Variants in ICAM2 observed in about 807,000 individuals in gnomAD.
ICAM2 encodes ICAM-2.
Under a neutral mutation model 19.1 loss-of-function variants are expected in ICAM2, and 14 were observed. The observed-to-expected ratio is 0.73, with a 90% CI of 0.48 to 1.15. The LOEUF is 1.15. Ranked by LOEUF, ICAM2 falls within the 50% of genes most tolerant of loss-of-function variation. The probability of loss-of-function intolerance (pLI) is 0.00; values close to 1 mark genes in which losing one functional copy is unlikely to be tolerated. For missense variants in ICAM2, 311 were observed against 355.4 expected (o/e 0.88, Z 1.00); for synonymous variants, 153 against 152.7 (o/e 1.00, Z -0.01).
In ICAM2 at chr17:64,002,764, G is replaced by T. The variant is rs758102062; in HGVS notation, c.811C>A (p.Gln271Lys). Residue 271 changes from glutamine (Q) to lysine (K), a missense_variant, in exon 5 of 5, where the codon CAG becomes AAG. By Grantham distance (53) the Gln-to-Lys change is moderately conservative (BLOSUM62 1). Coordinates refer to ENST00000579788, the MANE Select transcript of ICAM2 (RefSeq NM_001099789.2). Reference protein sequence around the residue: ...GVRAAWRRLPQAFRP With the variant: ...GVRAAWRRLPKAFRP ...CATGGTTGCTATGGCCGGAAGGCCT[G>T]GGGCAGCCTCCTCCAAGCCGCTCGC... 1 of 1,612,046 alleles carries T rather than the reference G, an allele frequency of 6.2e-7. No individual in the cohort carries two copies. Among genetic ancestry groups the T allele is most frequent in the Non-Finnish European group, 8.5e-7 (1 of 1,179,860 alleles).
chr17:64,020,295 G>A (rs777197639), intron 1 of ICAM2: 8 of 152,232 alleles, frequency 5.3e-5, no homozygotes, highest in Admixed American at 2.6e-4. Flanking sequence ...GGAAAGGAGC[G>A]CCAGGGCAAG....
rs1381170042 is a variant in ICAM2 at position 64,011,410 on chromosome 17, C to T, written c.-44-4675G>A. ...CTGGGAGGCAGAGGTTGCGGTGAGC[C>T]GAGATCGCGCCACTGCACTTCAGCC... is the stretch of plus-strand genomic sequence containing the variant. On this transcript the variant is annotated intron_variant, in intron 1 of 4. Coordinates refer to ENST00000579788, the MANE Select transcript of ICAM2 (RefSeq NM_001099789.2). 5.3e-5 allele frequency among the ~76,000 whole-genome samples: 8 copies of T among 151,746 alleles called. No individual in the cohort carries two copies. The South Asian group carries it at 6.3e-4, about 12-fold the overall frequency.
chr17:64,016,457 G>A (rs1317132383), intron 1 of ICAM2, among the ~76,000 whole-genome samples: 3 of 152,054 alleles, frequency 2.0e-5, no homozygotes, highest in South Asian at 4.1e-4. Context: ...TTTGCTTTTC[G>A]TCTCAGGGTC....
intron 1 of ICAM2, among the ~76,000 whole-genome samples, chr17:64,009,649 G>A (rs933500035): frequency 1.3e-5 from 2 of 152,034 alleles, no homozygotes; most frequent in African/African-American, 4.8e-5. Context: ...AAATGTCCAC[G>A]ACAGGAAAAG....
chr17:64,019,499 G>A (rs894584679), intron 1 of ICAM2, among the ~76,000 whole-genome samples: 4 of 152,112 alleles, frequency 2.6e-5, no homozygotes, highest in African/African-American at 9.7e-5. Context: ...CTACCTGTGG[G>A]TGGGAGGCAA....
intron 1 of ICAM2, among the ~76,000 whole-genome samples, chr17:64,014,404 G>GA (rs1567849401): frequency 8.6e-5 from 4 of 46,560 alleles, no homozygotes; most frequent in African/African-American, 2.5e-4. Flanking sequence ...AGGAAGGAAG[G>GA]AAGAGAAAGA....
In ICAM2 at chr17:64,002,941, G is replaced by T; in HGVS notation, c.650-16C>A. The T allele has an allele frequency of 6.2e-7, 1 of 1,611,294 alleles. No individual in the cohort carries two copies. Among genetic ancestry groups the T allele is most frequent in the Admixed American group, 1.7e-5 (1 of 59,860 alleles). On this transcript the variant is annotated splice_polypyrimidine_tract_variant and intron_variant, in intron 4 of 4. Transcript: ENST00000579788. ...GACACAGGCTCTGGGGAGGGAGGGG[G>T]CAAGGGTCTTAGACGTCCTGTGATC...
intron 1 of ICAM2, among the ~76,000 whole-genome samples, chr17:64,014,409 G>A (rs1598025307): frequency 1.4e-4 from 1 of 6,990 alleles, no homozygotes; most frequent in Non-Finnish European, 5.2e-4. Flanking sequence ...GGAAGGAAGA[G>A]AAAGAGAAAG....
intron 1 of ICAM2, among the ~76,000 whole-genome samples, chr17:64,020,132 C>T (rs917556): frequency 0.91 from 137,663 of 151,950 alleles, 63,948 homozygotes; most frequent in East Asian, 1. Flanking sequence ...CCACGCCTGC[C>T]GGGGAGAACA....
Position 64,003,796 on chromosome 17 carries a change from G to A in ICAM2, c.497C>T (p.Pro166Leu), listed in dbSNP as rs755357138. The A allele has an allele frequency of 1.2e-6, 2 of 1,614,256 alleles. No homozygotes were observed. The highest frequency in any genetic ancestry group is 2.2e-5 in the South Asian group (2 of 91,088). ...TGTGGCTGTGGCCTCCTGCGGAGCA[G>A]GGGCTGCCTTCCCGAAGGTCTCATA... ...LHYETFGKAAPAPQEATATFN... is the reference protein window; with the variant it reads ...LHYETFGKAALAPQEATATFN... Residue 166 changes from proline (P) to leucine (L), a missense_variant, in exon 4 of 5, where the codon CCT becomes CTT. Pro to Leu is a moderately conservative substitution (Grantham distance 98). Transcript: ENST00000579788.
At chr17:64,019,505 G>A (rs542047581) in intron 1 of ICAM2, among the ~76,000 whole-genome samples, 62 of 152,222 alleles carry the variant, frequency 4.1e-4, no homozygotes, top group African/African-American at 1.4e-3. Flanking sequence ...GTGGGTGGGA[G>A]GCAAGTAGCA....
intron 3 of ICAM2, 60 bp from the exon 4 acceptor site, chr17:64,004,024 C>A: frequency 7.5e-7 from 1 of 1,333,504 alleles, no homozygotes; most frequent in Non-Finnish European, 1.0e-6. Flanking sequence ...AGCAGCCTCC[C>A]CCTGGCCAGG....
At chr17:64,012,910 A>G (rs943387998) in intron 1 of ICAM2, among the ~76,000 whole-genome samples, 2 of 152,252 alleles carry the variant, frequency 1.3e-5, no homozygotes, top group Non-Finnish European at 1.5e-5. Context: ...TATTAAAAGA[A>G]CATGTAAAAT....
chr17:64,006,369 G>T (rs906313661), intron 2 of ICAM2: 2 of 423,538 alleles, frequency 4.7e-6, no homozygotes, highest in Non-Finnish European at 4.2e-6. Flanking sequence ...TGGGCATGGT[G>T]GCTCTCACCT....
chr17:64,007,388 G>C (rs1911261527), intron 1 of ICAM2, among the ~76,000 whole-genome samples: 1 of 151,932 alleles, frequency 6.6e-6, no homozygotes, highest in African/African-American at 2.4e-5. Flanking sequence ...TCAGCCTCCA[G>C]AGTAGCTGAC....
intron 1 of ICAM2, among the ~76,000 whole-genome samples, chr17:64,014,638 A>G (rs963593552): frequency 1.1e-4 from 14 of 128,988 alleles, no homozygotes; most frequent in Non-Finnish European, 2.2e-4. Context: ...AAAGAAAGAA[A>G]GAGAGAGAGA....
At chr17:64,020,433 GA>G (rs1264631715) in intron 1 of ICAM2, 89 bp downstream of exon 1, 3 of 152,430 alleles carry the variant, frequency 2.0e-5, no homozygotes, top group Admixed American at 6.5e-5. Flanking sequence ...CCAGAGAGGG[GA>G]ACGGACTAAA....
At chr17:64,012,002 T>C (rs1344651882) in intron 1 of ICAM2, among the ~76,000 whole-genome samples, 1 of 152,160 alleles carries the variant, frequency 6.6e-6, no homozygotes, top group African/African-American at 2.4e-5. Context: ...ATAGACAAGA[T>C]ATAGAATCAA....
intron 4 of ICAM2, chr17:64,003,381 C>T (rs1910941481): frequency 1.9e-6 from 1 of 516,402 alleles, no homozygotes; most frequent in East Asian, 3.5e-5. Context: ...TGGAGGGGAG[C>T]CAAGGCCAGG....
Sources: allele counts gnomAD v4.1 joint callset (sites outside exome capture counted in the v4.1 genomes callset), GRCh38; gene constraint gnomAD v4.1.1; transcripts MANE v1.5; gene names NCBI Gene and HGNC (gene_info 2026-07-23, HGNC 2026-07-21).